CELF6: variants seen among roughly 807,000 people sequenced by gnomAD.
CELF6 encodes the protein Bruno -like 6, RNA binding protein.
Under a neutral mutation model 53.1 loss-of-function variants are expected in CELF6, and 32 were observed. The observed-to-expected ratio is 0.60, with a 90% CI of 0.46 to 0.81. The LOEUF (loss-of-function observed/expected upper bound fraction) is 0.81. Among genes scored for constraint, CELF6 ranks in the 30% least tolerant of loss-of-function variants. The probability of loss-of-function intolerance (pLI) is 0.00; values close to 1 mark genes in which losing one functional copy is unlikely to be tolerated. For synonymous variants in CELF6, 291 were observed against 288.8 expected, an observed-to-expected ratio of 1.01 and a Z score of -0.08; for missense variants, 539 against 669.5, an observed-to-expected ratio of 0.81 and a Z score of 2.15.
intron 2 of CELF6, among the ~76,000 whole-genome samples, chr15:72,305,045 T>A (rs897169119): frequency 6.6e-6 from 1 of 152,202 alleles, no homozygotes; most frequent in African/African-American, 2.4e-5. Flanking sequence ...ATGAAGCGGC[T>A]AAAGAGACTT....
intron 1 of CELF6, among the ~76,000 whole-genome samples, chr15:72,318,714 C>T (rs2088391750): frequency 6.6e-6 from 1 of 152,150 alleles, no homozygotes. Context: ...CAGCCTGACT[C>T]ACCCTGAGAA....
intron 3 of CELF6, among the ~76,000 whole-genome samples, chr15:72,303,516 A>T (rs540133268): frequency 6.6e-6 from 1 of 152,312 alleles, no homozygotes; most frequent in East Asian, 1.9e-4. Flanking sequence ...TCTCAGACTG[A>T]GCATGAAGTC....
At chr15:72,292,310 G>A in intron 3 of CELF6, 1 of 1,380,228 alleles carries the variant, frequency 7.2e-7, no homozygotes, top group Non-Finnish European at 9.8e-7. Flanking sequence ...CAACCAATCT[G>A]ATGGCTTTGC....
At chr15:72,308,623 G>T (rs968818586) in intron 2 of CELF6, among the ~76,000 whole-genome samples, 3 of 152,204 alleles carry the variant, frequency 2.0e-5, no homozygotes, top group Non-Finnish European at 4.4e-5. Context: ...AAGGAATTTT[G>T]ACTTTTGACT....
intron 2 of CELF6, among the ~76,000 whole-genome samples, chr15:72,311,629 C>T (rs1352047837): frequency 6.6e-6 from 1 of 151,834 alleles, no homozygotes; most frequent in Admixed American, 6.6e-5. Flanking sequence ...GTCTCAATCT[C>T]CTGACCTCGT....
chr15:72,287,308 T>C lies in CELF6; in HGVS notation c.1403A>G (p.Lys468Arg), dbSNP rs1448318934. ...ATCCTTGGGCCGCTTTAGCTGGACC[T>C]TGAGCCTCTTCATGCCAATTTGAAA... ...NGFQIGMKRL[K>R]VQLKRPKDAN... Residue 468 changes from lysine (K) to arginine (R), a missense_variant, in exon 12 of 13, where the codon AAG (lysine) becomes AGG (arginine). Coordinates refer to ENST00000287202, the MANE Select transcript of CELF6 (RefSeq NM_052840.5). 2 of 1,614,190 alleles carry C rather than the reference T, an allele frequency of 1.2e-6. No individual in the cohort carries two copies. Among genetic ancestry groups the C allele is most frequent in the Admixed American group, 1.7e-5 (1 of 60,026 alleles).
chr15:72,292,289 C>T (rs2088015965), intron 3 of CELF6: 2 of 1,511,706 alleles, frequency 1.3e-6, no homozygotes, highest in African/African-American at 1.4e-5. Flanking sequence ...AAAGGTCTTT[C>T]ATGAGTCTCT....
rs779619183 is a variant in CELF6 at position 72,288,609 on chromosome 15, G to C, written c.1103C>G (p.Pro368Arg). Residue 368 changes from proline to arginine, a missense_variant, in exon 10 of 13, where the codon CCG becomes CGG. Around this residue, in one of 3 missense-constraint regions of CELF6, gnomAD observed 358 missense variants for 412.8 expected, o/e 0.87. Transcript: ENST00000287202. The surrounding 1 kb of genome is among the most constrained non-coding windows in gnomAD (Gnocchi z 4.6). ...TGTGCTCACTGGGGCATAGGCCGAC[G>C]GATAGGCTGCTGGAGACAGAGGTGG... is the stretch of plus-strand genomic sequence containing the variant. The part of the protein sequence containing the change: ...AGMHHYAAAY[P>R]SAYAPVSTAF... 1.9e-6 allele frequency: 3 copies of C among 1,561,390 alleles called. No individual in the cohort carries two copies. The highest frequency in any genetic ancestry group is 2.6e-6 in the Non-Finnish European group (3 of 1,153,324).
Position 72,319,835 on chromosome 15 carries a change from G to T in CELF6, c.40C>A (p.Pro14Thr), listed in dbSNP as rs1363968764. The T allele has an allele frequency of 1.3e-6, 2 of 1,546,820 alleles. No individual in the cohort carries two copies. The highest frequency in any genetic ancestry group is 8.7e-7 in the Non-Finnish European group (1 of 1,144,814). ...APGGSAQPAG[P>T]GPRLGFSTAD... ...GTGCTGAAACCCAGGCGCGGGCCGG[G>T]GCCAGCGGGCTGCGCTGACCCTCCC... The change falls in exon 1 of 13, where the codon CCC becomes ACC. Residue 14 changes from proline (P) to threonine (T), a missense_variant. Around this residue, in one of 3 missense-constraint regions of CELF6, gnomAD observed 84 missense variants for 87.9 expected, o/e 0.96. Transcript: ENST00000287202. The surrounding 1 kb of genome is among the most constrained non-coding windows in gnomAD (Gnocchi z 5.0).
At position 72,287,350 on chromosome 15, in the gene CELF6, A is replaced by G; in HGVS notation, c.1361T>C (p.Ile454Thr). 1 of 1,614,204 alleles carries G rather than the reference A, an allele frequency of 6.2e-7. No homozygotes were observed. The highest frequency in any genetic ancestry group is 2.2e-5 in the East Asian group (1 of 44,880). ...AATTTGAAAGCCATTCATCGCCTGA[A>G]TAGCAGTCTGGGCACTAGTTGGATT... ...FDNPTSAQTA[I>T]QAMNGFQIGM... Residue 454 changes from isoleucine (I) to threonine (T), a missense_variant, in exon 12 of 13, where the codon ATT (isoleucine) becomes ACT (threonine). Ile to Thr is a moderately conservative substitution (Grantham distance 89, BLOSUM62 -1). Around this residue, in one of 3 missense-constraint regions of CELF6, gnomAD observed 358 missense variants for 412.8 expected, o/e 0.87. Transcript: ENST00000287202.
At chr15:72,291,278 T>C (rs985720261) in intron 3 of CELF6, among the ~76,000 whole-genome samples, 2 of 152,138 alleles carry the variant, frequency 1.3e-5, no homozygotes, top group African/African-American at 4.8e-5. Flanking sequence ...TCCAGCAAGT[T>C]AGGCCTCAGG....
intron 3 of CELF6, among the ~76,000 whole-genome samples, chr15:72,290,643 G>A (rs967389484): frequency 2.4e-4 from 37 of 152,280 alleles, no homozygotes; most frequent in African/African-American, 8.4e-4. Context: ...TTAAGGAAGC[G>A]GGTGCTCAGA....
intron 2 of CELF6, among the ~76,000 whole-genome samples, chr15:72,312,930 G>A (rs952407897): frequency 6.6e-6 from 1 of 152,214 alleles, no homozygotes; most frequent in South Asian, 2.1e-4. Context: ...GCATTGCTGG[G>A]GCTGGCCAAC....
chr15:72,308,942 C>T (rs2088264478), intron 2 of CELF6, among the ~76,000 whole-genome samples: 1 of 151,994 alleles, frequency 6.6e-6, no homozygotes, highest in African/African-American at 2.4e-5. Flanking sequence ...GACCTGTGGT[C>T]TTACTCTGCT....
At chr15:72,299,355 G>T (rs866712890) in intron 3 of CELF6, among the ~76,000 whole-genome samples, 274 of 148,562 alleles carry the variant, frequency 1.8e-3, no homozygotes, top group African/African-American at 6.4e-3. Context: ...AAGGTTTTTT[G>T]TTTTTTCTTT....
chr15:72,288,381 T>G lies in CELF6; in HGVS notation c.1245A>C (p.Thr415=). The G allele has an allele frequency of 6.2e-7, 1 of 1,614,178 alleles. No individual in the cohort carries two copies. The highest frequency in any genetic ancestry group is 1.3e-5 in the African/African-American group (1 of 75,044). The change falls in exon 11 of 13, where the codon ACA becomes ACC. Residue 415 remains threonine, a synonymous_variant. Coordinates refer to ENST00000287202, the MANE Select transcript of CELF6 (RefSeq NM_052840.5). The surrounding 1 kb of genome is among the most constrained non-coding windows in gnomAD (Gnocchi z 4.6). The stretch of plus-strand genomic sequence containing the variant: ...AGACAACGGCTCCAAAGGGCAGGAA[T>G]GTCTGTATGAGTTCCGCATCACCAA... ...QEFGDAELIQ[T]FLPFGAVVSA...
chr15:72,288,600 T>C lies in CELF6; in HGVS notation c.1112A>G (p.Tyr371Cys), dbSNP rs756814573. ...HHYAAAYPSA[Y>C]APVSTAFPQQ... ...GGGAAAAGCTGTGCTCACTGGGGCATAGGCCGACGGATAGGCTGCTGGAGA... is the reference window on the plus strand; with the variant it reads ...GGGAAAAGCTGTGCTCACTGGGGCACAGGCCGACGGATAGGCTGCTGGAGA... The change falls in exon 10 of 13, where the codon TAT (tyrosine) becomes TGT (cysteine). Residue 371 changes from tyrosine (Y) to cysteine (C), a missense_variant. Physicochemically the swap from Tyr to Cys is radical, Grantham distance 194 (BLOSUM62 -2). Around this residue, in one of 3 missense-constraint regions of CELF6, gnomAD observed 358 missense variants for 412.8 expected, o/e 0.87. Coordinates refer to ENST00000287202, the MANE Select transcript of CELF6 (RefSeq NM_052840.5). This position sits in a 1 kb window ranked among gnomAD's most constrained non-coding sequence, Gnocchi z 4.6. 3.2e-5 allele frequency: 50 copies of C among 1,568,760 alleles called. No homozygotes were observed. The highest frequency in any genetic ancestry group is 3.9e-5 in the Non-Finnish European group (45 of 1,157,146).
chr15:72,303,599 G>C (rs964682098), intron 3 of CELF6, among the ~76,000 whole-genome samples: 1 of 152,066 alleles, frequency 6.6e-6, no homozygotes, highest in East Asian at 1.9e-4. Flanking sequence ...TCCTGAACTC[G>C]GGCAGCTTCT....
At chr15:72,314,589 G>GTTTTTTTTTTTTGTT (rs2088337745) in intron 2 of CELF6, among the ~76,000 whole-genome samples, 1 of 97,858 alleles carries the variant, frequency 1.0e-5, no homozygotes, top group African/African-American at 4.8e-5. Context: ...AAAACCCAGT[G>GTTTTTTTTTTTTGTT]TTTTTTTTTT....
Sources: allele counts gnomAD v4.1 joint callset (sites outside exome capture counted in the v4.1 genomes callset), GRCh38; gene constraint gnomAD v4.1.1; regional missense constraint gnomAD v4.1.1; non-coding constraint Gnocchi (gnomAD v3.1); transcripts MANE v1.5; gene names NCBI Gene and HGNC (gene_info 2026-07-23, HGNC 2026-07-21).